MINK1: variants seen among roughly 807,000 people sequenced by gnomAD.
MINK1 encodes the protein misshapen-like kinase 1.
MINK1 carries 46 observed loss-of-function variants against 178.4 expected under a neutral mutation model. The observed-to-expected ratio is 0.26, with a 90% CI of 0.20 to 0.33. MINK1 has a LOEUF of 0.33. MINK1 is among the 10% of genes least tolerant of loss of function. The pLI is 1.00. For synonymous variants in MINK1, 797 were observed against 709.7 expected, an observed-to-expected ratio of 1.12 and a Z score of -1.96; for missense variants, 1,366 against 1,814.9, an observed-to-expected ratio of 0.75 and a Z score of 4.49.
In MINK1 at chr17:4,833,661, C is replaced by T. The variant is rs968902249; in HGVS notation, c.57+21C>T. ...TGCGGGTGAGCGCGCCGTCCCCCAG[C>T]CTCGCCCTGGTTCCTGTCCCCGCCG... On this transcript the variant is annotated intron_variant, in intron 1 of 31. Transcript: ENST00000355280. This position sits in a 1 kb window ranked among gnomAD's most constrained non-coding sequence, Gnocchi z 4.8. 2.7e-6 allele frequency: 4 copies of T among 1,485,394 alleles called. No homozygotes were observed. In the African/African-American group the frequency reaches 5.8e-5, roughly 22 times the overall value. 92.0% of individuals were successfully genotyped at this position (1,485,394 alleles called of 1,614,324 possible).
At chr17:4,867,728 C>T (rs1000072161) in intron 1 of MINK1, among the ~76,000 whole-genome samples, 6 of 151,660 alleles carry the variant, frequency 4.0e-5, no homozygotes, top group Non-Finnish European at 8.8e-5. Flanking sequence ...AGGAGAATTG[C>T]TTGAACCTGG....
chr17:4,859,144 A>G, intron 1 of MINK1: 8 of 985,380 alleles, frequency 8.1e-6, no homozygotes, highest in Non-Finnish European at 9.6e-6. Context: ...CACAGGAGAG[A>G]CCAGTCCTTC....
In MINK1 at chr17:4,887,061, G is replaced by T. The variant is rs1338669315; in HGVS notation, c.950-49G>T. The T allele has an allele frequency of 6.5e-7, 1 of 1,543,342 alleles. No homozygotes were observed. Among genetic ancestry groups the T allele is most frequent in the Non-Finnish European group, 8.8e-7 (1 of 1,138,482 alleles). ...CCACCCAAGGTTTCCCTAGCCCACG[G>T]CGGGTCTGGGGCGCTGGGTGAGATA... On this transcript the variant is annotated intron_variant, in intron 10 of 31. Transcript: ENST00000355280. The surrounding 1 kb of genome is among the most constrained non-coding windows in gnomAD (Gnocchi z 7.6).
intron 21 of MINK1, 23 bp downstream of exon 21, chr17:4,893,620 C>T (rs745871853): frequency 5.3e-6 from 8 of 1,514,024 alleles, no homozygotes; most frequent in East Asian, 2.3e-5. Context: ...GAGTGGGGCC[C>T]TCCCACTCCA....
At chr17:4,877,936 A>G (rs989858687) in intron 1 of MINK1, among the ~76,000 whole-genome samples, 2 of 148,450 alleles carry the variant, frequency 1.3e-5, no homozygotes, top group Non-Finnish European at 3.0e-5. Context: ...TCAGCCTCCC[A>G]AGTAGCTGGG....
Position 4,896,843 on chromosome 17 carries a change from G to A in MINK1, c.3915+30G>A. 1 of 1,535,492 alleles carries A rather than the reference G, an allele frequency of 6.5e-7. No homozygotes were observed. The highest frequency in any genetic ancestry group is 1.4e-5 in the African/African-American group (1 of 72,562). On this transcript the variant is annotated intron_variant, in intron 31 of 31. Coordinates refer to ENST00000355280, the MANE Select transcript of MINK1 (RefSeq NM_153827.5). This position sits in a 1 kb window ranked among gnomAD's most constrained non-coding sequence, Gnocchi z 4.6. ...GAGGCTCCTTCCCTCTGAAAGCCCT[G>A]CTGTCCCGGCTGCCATGACCCTAGG...
chr17:4,896,370 T>A lies in MINK1; in HGVS notation c.3615+28T>A. 6.2e-7 allele frequency: 1 copy of A among 1,602,168 alleles called. No individual in the cohort carries two copies. The highest frequency in any genetic ancestry group is 1.1e-5 in the South Asian group (1 of 89,366). ...GAGCTTGGCGGGGCTGCTGGGGGAG[T>A]GGGATGGCCCAGTCTGGGCACCAGA... On this transcript the variant is annotated intron_variant, in intron 29 of 31. Coordinates refer to ENST00000355280, the MANE Select transcript of MINK1 (RefSeq NM_153827.5). This position sits in a 1 kb window ranked among gnomAD's most constrained non-coding sequence, Gnocchi z 4.6.
chr17:4,835,660 G>A (rs1909208580), intron 1 of MINK1, among the ~76,000 whole-genome samples: 1 of 151,986 alleles, frequency 6.6e-6, no homozygotes, highest in Non-Finnish European at 1.5e-5. Context: ...AAACGGGGCG[G>A]GTCCAAACCA....
In MINK1 at chr17:4,892,744, T is replaced by C; in HGVS notation, c.2287T>C (p.Ser763Pro). Residue 763 changes from serine to proline, a missense_variant, in exon 19 of 32, where the codon TCA becomes CCA. Physicochemically the swap from Ser to Pro is moderately conservative, Grantham distance 74. Coordinates refer to ENST00000355280, the MANE Select transcript of MINK1 (RefSeq NM_153827.5). ...TCACGGGCACCTCCCCCAGGCTGGC[T>C]CACTGGAGCGGAACCGCGTGGGAGG... ...ASHGHLPQAG[S>P]LERNRVGVSS... 1.2e-6 allele frequency: 2 copies of C among 1,611,276 alleles called. No homozygotes were observed. The highest frequency in any genetic ancestry group is 1.7e-6 in the Non-Finnish European group (2 of 1,179,208).
intron 1 of MINK1, among the ~76,000 whole-genome samples, chr17:4,865,290 C>T (rs1028924228): frequency 5.9e-5 from 9 of 151,882 alleles, no homozygotes; most frequent in Non-Finnish European, 8.8e-5. Flanking sequence ...AAAAATTAGC[C>T]GGGTGTAGTG....
chr17:4,854,778 G>A (rs937560762), intron 1 of MINK1: 5 of 494,276 alleles, frequency 1.0e-5, no homozygotes, highest in African/African-American at 5.8e-5. Context: ...CAGAGGACAA[G>A]TACTTCACGT....
At position 4,869,245 on chromosome 17, in the gene MINK1, A is replaced by ATTATTTAT. The variant is rs147101749; in HGVS notation, c.58-9033_58-9026dup. Among the ~76,000 whole-genome samples the ATTATTTAT allele has an allele frequency of 1.3e-3, 185 of 141,550 alleles. 1 individual carries two copies. Among genetic ancestry groups the ATTATTTAT allele is most frequent in the East Asian group, 0.01 (47 of 4,690 alleles). 92.9% of individuals were successfully genotyped at this position (141,550 alleles called of 152,430 possible). ...GGCCTAATTTTTTAATTTTTAAATT[A>ATTATTTAT]TTATTTATTTATTTATTTATTTATT... On this transcript the variant is annotated intron_variant, in intron 1 of 31. Coordinates refer to ENST00000355280, the MANE Select transcript of MINK1 (RefSeq NM_153827.5).
At chr17:4,839,001 T>C (rs1175633611) in intron 1 of MINK1, among the ~76,000 whole-genome samples, 1 of 151,908 alleles carries the variant, frequency 6.6e-6, no homozygotes, top group South Asian at 2.1e-4. Context: ...TGGAGTGCAG[T>C]GGCGCGATCT....
intron 1 of MINK1, among the ~76,000 whole-genome samples, chr17:4,855,462 G>C (rs1275829160): frequency 7.2e-6 from 1 of 139,208 alleles, no homozygotes; most frequent in Non-Finnish European, 1.5e-5. Flanking sequence ...CTCCAGCCTG[G>C]GCGACAGAGC....
At position 4,896,029 on chromosome 17, in the gene MINK1, G is replaced by A; in HGVS notation, c.3391G>A (p.Val1131Ile). ...GAAATACGAGCGGATTAAGTTCCTG[G>A]TCATCGCCCTCAAGAGCTCCGTGGA... ...VVKYERIKFL[V>I]IALKSSVEVY... The change falls in exon 28 of 32, where the codon GTC becomes ATC. Residue 1131 changes from valine (V) to isoleucine (I), a missense_variant. By Grantham distance (29) the Val-to-Ile change is conservative. Around this residue, in one of 14 missense-constraint regions of MINK1, gnomAD observed 77 missense variants for 119.5 expected, o/e 0.64. Coordinates refer to ENST00000355280, the MANE Select transcript of MINK1 (RefSeq NM_153827.5). The surrounding 1 kb of genome is among the most constrained non-coding windows in gnomAD (Gnocchi z 4.6). 5 of 1,603,592 alleles carry A rather than the reference G, an allele frequency of 3.1e-6. No individual in the cohort carries two copies. The highest frequency in any genetic ancestry group is 4.3e-6 in the Non-Finnish European group (5 of 1,175,102).
chr17:4,879,854 G>T (rs907808538), intron 2 of MINK1, among the ~76,000 whole-genome samples: 1 of 152,114 alleles, frequency 6.6e-6, no homozygotes, highest in African/African-American at 2.4e-5. Context: ...TTTCCCTATC[G>T]ACAAGAATAA....
rs1302372978 is a variant in MINK1 at position 4,833,500 on chromosome 17, G to A, written c.-84G>A. The A allele has an allele frequency of 3.3e-6, 4 of 1,222,344 alleles. No individual in the cohort carries two copies. In the Admixed American group the frequency reaches 7.1e-5, roughly 22 times the overall value. The allele number at this position is 1,222,344 out of a possible 1,614,324, so 75.7% of individuals were successfully genotyped here. A position where few individuals can be genotyped will look rare whatever the true frequency, so the allele number is the denominator to read the frequency against. ...GTGGAGTCCGCCCCCGGGGTTCTCC[G>A]ATGGGGGAGAAGCGGCGACGGCGGC... On this transcript the variant is annotated 5_prime_UTR_variant, in exon 1 of 32. Transcript: ENST00000355280. The surrounding 1 kb of genome is among the most constrained non-coding windows in gnomAD (Gnocchi z 4.8).
At chr17:4,847,186 C>T in intron 1 of MINK1, 1 of 484,728 alleles carries the variant, frequency 2.1e-6, no homozygotes, top group Non-Finnish European at 4.2e-6. Flanking sequence ...ATGGAGTGAA[C>T]ATGGCATGAG....
At chr17:4,850,313 G>A (rs1393424310) in intron 1 of MINK1, among the ~76,000 whole-genome samples, 1 of 152,178 alleles carries the variant, frequency 6.6e-6, no homozygotes, top group African/African-American at 2.4e-5. Context: ...AGGAGAGACA[G>A]GCCTGGTGAA....
Sources: gnomAD v4.1 joint callset for allele counts (sites outside exome capture counted in the v4.1 genomes callset) on GRCh38, gnomAD v4.1.1 for gene constraint, gnomAD v4.1.1 regional missense constraint, Gnocchi (gnomAD v3.1) non-coding constraint, MANE v1.5 for transcripts, NCBI Gene and HGNC (gene_info 2026-07-23, HGNC 2026-07-21) for gene names.